CAMTA1: variants seen among roughly 807,000 people sequenced by gnomAD.
CAMTA1 encodes the protein calmodulin binding transcription activator 1.
A neutral mutation model predicts 170.9 loss-of-function variants in CAMTA1; 27 were observed. The ratio of observed to expected loss-of-function variants is 0.16; its 90% CI spans 0.12 to 0.22. The LOEUF (loss-of-function observed/expected upper bound fraction) is 0.22. Among genes scored for constraint, CAMTA1 ranks in the 10% least tolerant of loss-of-function variants. The pLI is 1.00. For missense variants in CAMTA1, 1,619 were observed against 2,217.2 expected, an observed-to-expected ratio of 0.73 and a Z score of 5.42; for synonymous variants, 833 against 891.5, an observed-to-expected ratio of 0.93 and a Z score of 1.17.
At chr1:7,741,561 CAAA>C (rs368850510) in intron 16 of CAMTA1, among the ~76,000 whole-genome samples, 3 of 137,304 alleles carry the variant, frequency 2.2e-5, no homozygotes, top group African/African-American at 5.4e-5. Flanking sequence ...GACTCTCTCT[CAAA>C]AAAAAAAAAA....
At chr1:6,909,720 C>G (rs749802150) in intron 3 of CAMTA1, among the ~76,000 whole-genome samples, 3 of 152,252 alleles carry the variant, frequency 2.0e-5, no homozygotes, top group Non-Finnish European at 4.4e-5. Context: ...ACATTCAGCT[C>G]TGTCCTGGAC....
At chr1:7,709,064 G>GGCTGGTGT (rs759510708) in intron 11 of CAMTA1, among the ~76,000 whole-genome samples, 7 of 152,168 alleles carry the variant, frequency 4.6e-5, no homozygotes, top group African/African-American at 1.2e-4. Flanking sequence ...CACGCAGCCA[G>GGCTGGTGT]GCTGGTGTGC....
At chr1:7,089,532 CCCCAT>C (rs3058551) in intron 3 of CAMTA1, among the ~76,000 whole-genome samples, 32,498 of 118,996 alleles carry the variant, frequency 0.27, 4,678 homozygotes, top group African/African-American at 0.38. Flanking sequence ...TTTTTCCTAG[CCCCAT>C]CCCATCCCAT....
chr1:7,195,648 C>G lies in CAMTA1; in HGVS notation c.303-53843C>G, dbSNP rs932975258. Among the ~76,000 whole-genome samples, 3 of 152,190 alleles carry G rather than the reference C, an allele frequency of 2.0e-5. No individual in the cohort carries two copies. The highest frequency in any genetic ancestry group is 7.2e-5 in the African/African-American group (3 of 41,454). On this transcript the variant is annotated intron_variant, in intron 4 of 22. Coordinates refer to ENST00000303635, the MANE Select transcript of CAMTA1 (RefSeq NM_015215.4). The surrounding 1 kb of genome is among the most constrained non-coding windows in gnomAD (Gnocchi z 4.1). ...CACTGCTCCTGAGACCACTCTGACCCCATGAGGAGGTTGGCTTGTGAGTGC... is the reference window on the plus strand; with the variant it reads ...CACTGCTCCTGAGACCACTCTGACCGCATGAGGAGGTTGGCTTGTGAGTGC...
chr1:7,626,255 A>G (rs1223161919), intron 6 of CAMTA1, among the ~76,000 whole-genome samples: 8 of 152,200 alleles, frequency 5.3e-5, no homozygotes, highest in Non-Finnish European at 5.9e-5. Context: ...ACCGGGCACA[A>G]TTCATCCTCT....
intron 6 of CAMTA1, among the ~76,000 whole-genome samples, chr1:7,603,888 A>T (rs1233375529): frequency 3.9e-5 from 6 of 152,162 alleles, no homozygotes; most frequent in African/African-American, 1.4e-4. Context: ...GTGGTAACAA[A>T]ATCTCTCAGC....
intron 5 of CAMTA1, among the ~76,000 whole-genome samples, chr1:7,278,491 T>C (rs1378023577): frequency 6.6e-6 from 1 of 152,222 alleles, no homozygotes; most frequent in Non-Finnish European, 1.5e-5. Flanking sequence ...ATAAGTGCTT[T>C]TCAGGCATTA....
At chr1:7,231,348 T>TGA (rs148940451) in intron 4 of CAMTA1, among the ~76,000 whole-genome samples, 69,544 of 139,036 alleles carry the variant, frequency 0.5, 17,239 homozygotes, top group Non-Finnish European at 0.57. Context: ...TGTGTGTGTG[T>TGA]GTGAGAGAGA....
At chr1:6,910,976 G>C (rs560136963) in intron 3 of CAMTA1, among the ~76,000 whole-genome samples, 1 of 152,184 alleles carries the variant, frequency 6.6e-6, no homozygotes, top group African/African-American at 2.4e-5. Flanking sequence ...CCCATTGCTC[G>C]CGTCCAGGAT....
intron 3 of CAMTA1, among the ~76,000 whole-genome samples, chr1:6,874,838 C>T (rs768908797): frequency 4.7e-4 from 72 of 152,226 alleles, no homozygotes; most frequent in Non-Finnish European, 9.0e-4. Flanking sequence ...TTCCCTTTTA[C>T]GCTTGGTAAG....
At chr1:7,218,867 G>A (rs2149112950) in intron 4 of CAMTA1, among the ~76,000 whole-genome samples, 1 of 152,192 alleles carries the variant, frequency 6.6e-6, no homozygotes, top group East Asian at 1.9e-4. Flanking sequence ...TGGGATTTGT[G>A]TGGTTGTTTT....
chr1:6,945,284 C>T (rs4908575), intron 3 of CAMTA1, among the ~76,000 whole-genome samples: 79,788 of 152,040 alleles, frequency 0.52, 21,721 homozygotes, highest in Non-Finnish European at 0.61. Context: ...ACAACCAATT[C>T]TGCAACACTT....
At chr1:7,695,130 G>T (rs2096361573) in intron 11 of CAMTA1, among the ~76,000 whole-genome samples, 1 of 152,184 alleles carries the variant, frequency 6.6e-6, no homozygotes, top group Non-Finnish European at 1.5e-5. Context: ...TCTGTACAGG[G>T]CCTGCACAGA....
chr1:7,715,724 C>T (rs1469949958), intron 11 of CAMTA1, among the ~76,000 whole-genome samples: 2 of 152,314 alleles, frequency 1.3e-5, no homozygotes, highest in Non-Finnish European at 1.5e-5. Context: ...TTGCAAAAAT[C>T]GGAGGATGAC....
At chr1:7,172,280 G>A (rs1649790878) in intron 4 of CAMTA1, among the ~76,000 whole-genome samples, 1 of 152,170 alleles carries the variant, frequency 6.6e-6, no homozygotes, top group South Asian at 2.1e-4. Context: ...CTCCTGAGTA[G>A]CTGGGATTAC....
intron 6 of CAMTA1, among the ~76,000 whole-genome samples, chr1:7,533,701 T>G (rs917490434): frequency 2.0e-5 from 3 of 152,018 alleles, no homozygotes; most frequent in Non-Finnish European, 2.9e-5. Context: ...TCACTTGAGG[T>G]CAGGAGTTTG....
chr1:6,984,514 T>TAAGA (rs1424972741), intron 3 of CAMTA1, among the ~76,000 whole-genome samples: 1 of 151,990 alleles, frequency 6.6e-6, no homozygotes, highest in Admixed American at 6.5e-5. Flanking sequence ...GTCAGGAGGC[T>TAAGA]AAGACAGGGG....
At chr1:7,651,415 C>T (rs564435200) in intron 7 of CAMTA1, among the ~76,000 whole-genome samples, 38 of 152,350 alleles carry the variant, frequency 2.5e-4, no homozygotes, top group African/African-American at 8.7e-4. Flanking sequence ...GACCAAAGCT[C>T]CAGGTGGCCT....
intron 3 of CAMTA1, among the ~76,000 whole-genome samples, chr1:7,055,848 A>T (rs547833025): frequency 1.3e-5 from 2 of 152,310 alleles, no homozygotes; most frequent in South Asian, 4.1e-4. Flanking sequence ...TTGATGAAGT[A>T]CTTCAGGGCT....
Sources: allele counts gnomAD v4.1 joint callset (sites outside exome capture counted in the v4.1 genomes callset), GRCh38; gene constraint gnomAD v4.1.1; non-coding constraint Gnocchi (gnomAD v3.1); transcripts MANE v1.5; gene names NCBI Gene and HGNC (gene_info 2026-07-23, HGNC 2026-07-21).